Variants in WHRN observed in about 807,000 individuals in gnomAD.
WHRN encodes the protein whirlin.
A neutral mutation model predicts 68.3 loss-of-function variants in WHRN; 41 were observed. That is an observed-to-expected ratio of 0.60 (90% CI 0.47 to 0.78). The LOEUF (loss-of-function observed/expected upper bound fraction) is 0.78. WHRN is among the 30% of genes least tolerant of loss of function. The probability of loss-of-function intolerance (pLI) is 0.00; values close to 1 mark genes in which losing one functional copy is unlikely to be tolerated. For synonymous variants in WHRN, 560 were observed against 561.3 expected (o/e 1.00, Z 0.03); for missense variants, 1,243 against 1,244.7 (o/e 1.00, Z 0.02).
intron 3 of WHRN, among the ~76,000 whole-genome samples, chr9:114,434,997 A>C (rs992359928): frequency 3.3e-5 from 5 of 152,030 alleles, no homozygotes; most frequent in Non-Finnish European, 5.9e-5. Flanking sequence ...AGACCAGACC[A>C]TTGTTCCTCT....
chr9:114,464,744 T>TC (rs1840517823), intron 3 of WHRN, among the ~76,000 whole-genome samples: 1 of 152,000 alleles, frequency 6.6e-6, no homozygotes, highest in South Asian at 2.1e-4. Context: ...GTTAAACAAG[T>TC]TAATGATGTA....
chr9:114,491,345 C>T (rs536797306), intron 1 of WHRN, among the ~76,000 whole-genome samples: 2 of 152,052 alleles, frequency 1.3e-5, no homozygotes, highest in Non-Finnish European at 2.9e-5. Flanking sequence ...CCTACTCGGC[C>T]GATGTCTGAA....
At chr9:114,477,395 C>A (rs933748626) in intron 2 of WHRN, among the ~76,000 whole-genome samples, 2 of 152,180 alleles carry the variant, frequency 1.3e-5, no homozygotes, top group African/African-American at 4.8e-5. Context: ...GCAATGCAAA[C>A]AGCACCCAGA....
At chr9:114,478,275 G>A in intron 2 of WHRN, 4 of 681,868 alleles carry the variant, frequency 5.9e-6, no homozygotes, top group African/African-American at 1.8e-5. Flanking sequence ...GCGACAGAGT[G>A]AGACTCTGTC....
Position 114,504,559 on chromosome 9 carries a change from C to A in WHRN, c.243G>T (p.Leu81=), listed in dbSNP as rs759209894. The A allele has an allele frequency of 5.0e-5, 80 of 1,611,218 alleles. No individual in the cohort carries two copies. The highest frequency in any genetic ancestry group is 8.5e-6 in the Non-Finnish European group (10 of 1,179,816). The change falls in exon 1 of 12, where the codon CTG becomes CTT. Residue 81 remains leucine (L), a synonymous_variant. Transcript: ENST00000362057. ...VFDLVRTLRV[L]LDSPVKRRLL... ...GGCGCCGCTTGACCGGACTGTCCAG[C>A]AGCACGCGCAGGGTGCGCACCAGGT... is the stretch of plus-strand genomic sequence containing the variant.
At chr9:114,409,104 A>G (rs1835245364) in intron 7 of WHRN, among the ~76,000 whole-genome samples, 1 of 152,232 alleles carries the variant, frequency 6.6e-6, no homozygotes, top group South Asian at 2.1e-4. Context: ...ATCCCACACA[A>G]TATAGTATAA....
chr9:114,476,185 C>T (rs554894273), intron 2 of WHRN, among the ~76,000 whole-genome samples: 1 of 152,182 alleles, frequency 6.6e-6, no homozygotes, highest in Non-Finnish European at 1.5e-5. Flanking sequence ...CTAGGCTGAT[C>T]TCAAACTCCT....
intron 9 of WHRN, among the ~76,000 whole-genome samples, chr9:114,405,798 G>A (rs1834983832): frequency 6.6e-6 from 1 of 152,256 alleles, no homozygotes; most frequent in Non-Finnish European, 1.5e-5. Flanking sequence ...TCACAGGCGG[G>A]AGCTCCACAG....
chr9:114,415,355 C>T (rs972983361), intron 7 of WHRN, among the ~76,000 whole-genome samples: 4 of 151,998 alleles, frequency 2.6e-5, no homozygotes, highest in African/African-American at 7.3e-5. Context: ...TAGGGTTAAA[C>T]ACAAACGCCT....
chr9:114,467,767 A>C (rs1840850506), intron 2 of WHRN, among the ~76,000 whole-genome samples: 1 of 152,152 alleles, frequency 6.6e-6, no homozygotes, highest in Admixed American at 6.5e-5. Context: ...CATGGAAAAG[A>C]AAGCAGGGGA....
At chr9:114,429,145 G>T (rs1837173711) in intron 3 of WHRN, among the ~76,000 whole-genome samples, 1 of 152,170 alleles carries the variant, frequency 6.6e-6, no homozygotes, top group Admixed American at 6.5e-5. Flanking sequence ...TGCCTAGACT[G>T]GTCTCAAACT....
intron 1 of WHRN, among the ~76,000 whole-genome samples, chr9:114,501,671 T>C (rs996678188): frequency 2.0e-5 from 3 of 151,782 alleles, no homozygotes; most frequent in Admixed American, 6.6e-5. Context: ...TTGTTAAGAC[T>C]GAAAACACAT....
chr9:114,406,308 G>A (rs968515553), intron 9 of WHRN, 47 bp downstream of exon 9: 4 of 1,611,974 alleles, frequency 2.5e-6, no homozygotes, highest in Non-Finnish European at 2.5e-6. Flanking sequence ...GACCTGAAGA[G>A]GACAGGGACC....
chr9:114,474,241 C>A (rs1458586491), intron 2 of WHRN, among the ~76,000 whole-genome samples: 1 of 152,236 alleles, frequency 6.6e-6, no homozygotes, highest in African/African-American at 2.4e-5. Flanking sequence ...AACATCATTA[C>A]TGGCTCCAGA....
At chr9:114,405,655 C>T (rs1834973225) in intron 9 of WHRN, among the ~76,000 whole-genome samples, 1 of 152,244 alleles carries the variant, frequency 6.6e-6, no homozygotes, top group Non-Finnish European at 1.5e-5. Context: ...CCTCCCCTCA[C>T]TAGGCTGCGA....
intron 3 of WHRN, among the ~76,000 whole-genome samples, chr9:114,462,090 G>C (rs1840291294): frequency 6.6e-6 from 1 of 152,102 alleles, no homozygotes; most frequent in Non-Finnish European, 1.5e-5. Flanking sequence ...ACTGGTTTTG[G>C]CATCTCTTTG....
chr9:114,480,775 A>G (rs939357181), intron 1 of WHRN, among the ~76,000 whole-genome samples: 2 of 152,214 alleles, frequency 1.3e-5, no homozygotes, highest in African/African-American at 4.8e-5. Flanking sequence ...GAAATGTGAT[A>G]TATTTTAATG....
At chr9:114,464,495 C>T (rs1326989204) in intron 3 of WHRN, among the ~76,000 whole-genome samples, 1 of 152,150 alleles carries the variant, frequency 6.6e-6, no homozygotes, top group Non-Finnish European at 1.5e-5. Context: ...TTCTTGGAGC[C>T]TCTTTTATAA....
intron 9 of WHRN, among the ~76,000 whole-genome samples, chr9:114,404,621 C>T (rs1834893624): frequency 6.6e-6 from 1 of 151,990 alleles, no homozygotes; most frequent in Admixed American, 6.6e-5. Flanking sequence ...AACAGCCTGG[C>T]CCCTGAGTTT....
Sources: allele counts gnomAD v4.1 joint callset (sites outside exome capture counted in the v4.1 genomes callset), GRCh38; gene constraint gnomAD v4.1.1; transcripts MANE v1.5; gene names NCBI Gene and HGNC (gene_info 2026-07-23, HGNC 2026-07-21).